The following SMIM10L3 variants were observed in gnomAD, a reference collection of about 807,000 sequenced individuals.
The protein encoded by SMIM10L3 is salivary gland specific protein SAGSIN1.
chr7:6,348,420 TG>T, the SMIM10L3 span, among the ~76,000 whole-genome samples: 5 of 152,072 alleles, frequency 3.3e-5, no homozygotes, highest in Admixed American at 1.3e-4. Context: ...ACCACCTCAG[TG>T]GATCTCCCCA....
At chr7:6,340,286 G>C in the SMIM10L3 span, among the ~76,000 whole-genome samples, 2 of 152,114 alleles carry the variant, frequency 1.3e-5, no homozygotes, top group Admixed American at 6.6e-5. Context: ...AGCTGCTGTC[G>C]ATCAGAATCA....
the SMIM10L3 span, among the ~76,000 whole-genome samples, chr7:6,345,203 G>T: frequency 6.6e-6 from 1 of 151,066 alleles, no homozygotes; most frequent in Non-Finnish European, 1.5e-5. Flanking sequence ...CTGCATCTTC[G>T]GCCTCCTTGG....
chr7:6,340,466 C>G, the SMIM10L3 span, among the ~76,000 whole-genome samples: 3 of 152,148 alleles, frequency 2.0e-5, no homozygotes, highest in Non-Finnish European at 4.4e-5. Context: ...CGTGCCATAC[C>G]TGGAGTCGGC....
the SMIM10L3 span, among the ~76,000 whole-genome samples, chr7:6,334,057 A>T: frequency 4.0e-5 from 6 of 151,086 alleles, no homozygotes; most frequent in Non-Finnish European, 8.9e-5. Flanking sequence ...CATGTTAGCC[A>T]GGATGGAATC....
At chr7:6,335,539 ATG>A in the SMIM10L3 span, among the ~76,000 whole-genome samples, 1 of 152,048 alleles carries the variant, frequency 6.6e-6, no homozygotes, top group African/African-American at 2.4e-5. Context: ...AGCCGTTAAT[ATG>A]TGAGAAAATA....
chr7:6,336,560 A>G, the SMIM10L3 span, among the ~76,000 whole-genome samples: 1 of 151,652 alleles, frequency 6.6e-6, no homozygotes, highest in African/African-American at 2.4e-5. Context: ...ACATGCCTAT[A>G]ATCCCAGCTA....
At chr7:6,344,385 C>T in the SMIM10L3 span, among the ~76,000 whole-genome samples, 1 of 152,164 alleles carries the variant, frequency 6.6e-6, no homozygotes, top group Admixed American at 6.6e-5. Flanking sequence ...GACATGGCTG[C>T]TTGTTGCACT....
the SMIM10L3 span, chr7:6,348,679 C>T: frequency 6.1e-6 from 3 of 491,704 alleles, no homozygotes; most frequent in Non-Finnish European, 1.1e-5. Context: ...GCGAGTCAGC[C>T]CCTTGCAGAA....
the SMIM10L3 span, among the ~76,000 whole-genome samples, chr7:6,347,209 G>C: frequency 1.3e-5 from 2 of 152,122 alleles, no homozygotes; most frequent in African/African-American, 4.8e-5. Context: ...TGGAATTCAA[G>C]GGATGTAGAA....
the SMIM10L3 span, among the ~76,000 whole-genome samples, chr7:6,333,840 CTTTTTTTTTTTT>C: frequency 1.0e-5 from 1 of 96,844 alleles, no homozygotes; most frequent in African/African-American, 3.9e-5. Context: ...CTCCTGGCCT[CTTTTTTTTTTTT>C]TTTTTTTTTG....
chr7:6,348,581 G>A, the SMIM10L3 span: 1 of 437,188 alleles, frequency 2.3e-6, no homozygotes, highest in Non-Finnish European at 4.1e-6. Flanking sequence ...ACCTGCAGGC[G>A]GACGTTGAGC....
At chr7:6,347,251 A>G in the SMIM10L3 span, among the ~76,000 whole-genome samples, 2 of 152,216 alleles carry the variant, frequency 1.3e-5, no homozygotes, top group African/African-American at 4.8e-5. Context: ...GCTGTGGCTG[A>G]CGCCTATAAT....
the SMIM10L3 span, among the ~76,000 whole-genome samples, chr7:6,342,684 G>T: frequency 6.6e-6 from 1 of 152,056 alleles, no homozygotes; most frequent in Non-Finnish European, 1.5e-5. Flanking sequence ...ATTCACAATA[G>T]CCAAAAAGTG....
At chr7:6,344,493 G>A in the SMIM10L3 span, among the ~76,000 whole-genome samples, 1 of 151,930 alleles carries the variant, frequency 6.6e-6, no homozygotes, top group Non-Finnish European at 1.5e-5. Flanking sequence ...TACAATTATA[G>A]CTCACTGCCT....
At chr7:6,331,626 C>T in the SMIM10L3 span, among the ~76,000 whole-genome samples, 9 of 152,252 alleles carry the variant, frequency 5.9e-5, no homozygotes, top group South Asian at 6.2e-4. Context: ...ATGATCCACT[C>T]GCCTTGGCCT....
chr7:6,332,683 G>A, the SMIM10L3 span, among the ~76,000 whole-genome samples: 1 of 151,918 alleles, frequency 6.6e-6, no homozygotes, highest in Non-Finnish European at 1.5e-5. Flanking sequence ...CTGGGCAATG[G>A]AGTCAGACCC....
chr7:6,333,296 G>A, the SMIM10L3 span, among the ~76,000 whole-genome samples: 119 of 152,206 alleles, frequency 7.8e-4, no homozygotes, highest in African/African-American at 2.8e-3. Context: ...ACAGGGAGCC[G>A]GTGATTGGAG....
At chr7:6,330,142 A>G in the SMIM10L3 span, 1 of 540,180 alleles carries the variant, frequency 1.9e-6, no homozygotes, top group South Asian at 2.4e-5. Context: ...GTCTCCTGAA[A>G]TGTTTCCCAA....
chr7:6,348,853 G>A, the SMIM10L3 span: 3 of 391,610 alleles, frequency 7.7e-6, no homozygotes, highest in Admixed American at 4.5e-5. Context: ...AGGGAGCGAA[G>A]GAGGCGGCGG....
Sources: gnomAD v4.1 joint callset for allele counts (sites outside exome capture counted in the v4.1 genomes callset) on GRCh38, gnomAD v4.1.1 for gene constraint, MANE v1.5 for transcripts, NCBI Gene and HGNC (gene_info 2026-07-23, HGNC 2026-07-21) for gene names.